Variants in UTRN observed in about 807,000 individuals in gnomAD.
UTRN encodes utrophin, also known as dystrophin-related protein 1.
Under a neutral mutation model 463.9 loss-of-function variants are expected in UTRN, and 283 were observed. The observed-to-expected ratio is 0.61, with a 90% CI of 0.55 to 0.67. UTRN has a LOEUF of 0.67. Ranked by LOEUF, UTRN falls within the 30% of genes least tolerant of loss-of-function variation. UTRN has a pLI of 0.00. For synonymous variants in UTRN, 1,442 were observed against 1,431.5 expected (o/e 1.01, Z -0.17); for missense variants, 3,922 against 4,084.3 (o/e 0.96, Z 1.08).
intron 50 of UTRN, among the ~76,000 whole-genome samples, chr6:144,572,002 A>T (rs562276482): frequency 1.3e-5 from 2 of 152,064 alleles, no homozygotes; most frequent in African/African-American, 4.8e-5. Flanking sequence ...GTTTTGTGTT[A>T]TTCGTTTGTT....
chr6:144,790,548 A>T (rs1776672994), intron 62 of UTRN, among the ~76,000 whole-genome samples: 1 of 152,198 alleles, frequency 6.6e-6, no homozygotes, highest in Non-Finnish European at 1.5e-5. Flanking sequence ...GATTTATATA[A>T]AATGAAAAGC....
intron 52 of UTRN, among the ~76,000 whole-genome samples, chr6:144,684,251 T>C (rs1782513399): frequency 6.6e-6 from 1 of 152,128 alleles, no homozygotes; most frequent in Admixed American, 6.5e-5. Flanking sequence ...GGTTTCATCA[T>C]GTTGGCCAGG....
chr6:144,771,437 T>C (rs115160426), intron 58 of UTRN, among the ~76,000 whole-genome samples: 2,989 of 152,100 alleles, frequency 0.02, 47 homozygotes, highest in African/African-American at 0.04. Flanking sequence ...ATATTTTTTA[T>C]TTTTTTGAGA....
intron 3 of UTRN, among the ~76,000 whole-genome samples, chr6:144,408,236 G>A (rs1188842203): frequency 1.3e-5 from 2 of 152,186 alleles, no homozygotes; most frequent in African/African-American, 2.4e-5. Flanking sequence ...CATTAAGCCC[G>A]CGTTCTTCCA....
Position 144,458,801 on chromosome 6 carries a change from T to A in UTRN, c.2316T>A (p.Val772=), listed in dbSNP as rs1400488926. The change falls in exon 20 of 75, where the codon GTT becomes GTA. Residue 772 remains valine (V), a synonymous_variant. Coordinates refer to ENST00000367545, the MANE Select transcript of UTRN (RefSeq NM_007124.3). ...EGLPTEEIKN[V]LEKVSSEWKN... ...TTCCTACTGAAGAAATAAAAAATGT[T>A]CTGGAGAAGGTTTCATCAGAATGGA... 6.2e-7 allele frequency: 1 copy of A among 1,603,846 alleles called. No individual in the cohort carries two copies. Among genetic ancestry groups the A allele is most frequent in the Non-Finnish European group, 8.5e-7 (1 of 1,177,490 alleles).
At chr6:144,753,792 A>G (rs373649694) in intron 56 of UTRN, among the ~76,000 whole-genome samples, 2 of 151,760 alleles carry the variant, frequency 1.3e-5, no homozygotes, top group East Asian at 3.9e-4. Flanking sequence ...GCATGAGCCC[A>G]GGAGGTCGAG....
intron 52 of UTRN, among the ~76,000 whole-genome samples, chr6:144,692,683 A>G (rs1783556877): frequency 1.3e-5 from 2 of 152,040 alleles, no homozygotes; most frequent in African/African-American, 2.4e-5. Context: ...TGTCAGCTGC[A>G]TATATGTCTT....
At chr6:144,322,363 C>T (rs2114586025) in intron 2 of UTRN, among the ~76,000 whole-genome samples, 1 of 152,262 alleles carries the variant, frequency 6.6e-6, no homozygotes, top group East Asian at 1.9e-4. Flanking sequence ...TGAGCATTCA[C>T]TGAATGTGTC....
At chr6:144,289,949 C>G (rs932708531) in intron 1 of UTRN, among the ~76,000 whole-genome samples, 19 of 151,612 alleles carry the variant, frequency 1.3e-4, no homozygotes, top group African/African-American at 4.4e-4. Flanking sequence ...CCACCTTGCC[C>G]GGCCTAGTTT....
chr6:144,688,844 G>A (rs112331570), intron 52 of UTRN, among the ~76,000 whole-genome samples: 4 of 152,262 alleles, frequency 2.6e-5, no homozygotes, highest in African/African-American at 9.6e-5. Flanking sequence ...AACAGTTCAG[G>A]TTTCAGGCCA....
chr6:144,635,083 G>A (rs1017090395), intron 51 of UTRN, among the ~76,000 whole-genome samples: 3 of 148,320 alleles, frequency 2.0e-5, no homozygotes, highest in African/African-American at 7.4e-5. Flanking sequence ...TTGTCACCTA[G>A]TATGAAATGG....
rs1415377696 is a variant in UTRN, at chr6:144,291,718, C to T, written c.-92-19C>T. 7.7e-6 allele frequency: 6 copies of T among 782,170 alleles called. No homozygotes were observed. The East Asian group carries it at 1.5e-4, about 19-fold the overall frequency. The allele number at this position is 782,170 out of a possible 1,614,324, so 48.5% of individuals were successfully genotyped here. ...ATAAATACATTTTTTCAAGTCAGTA[C>T]TTTCCCTTTTCCTTTTAGGTATTGA... On this transcript the variant is annotated intron_variant, in intron 1 of 74. Transcript: ENST00000367545.
At chr6:144,773,956 C>T (rs544829177) in intron 59 of UTRN, among the ~76,000 whole-genome samples, 1 of 152,270 alleles carries the variant, frequency 6.6e-6, no homozygotes, top group South Asian at 2.1e-4. Flanking sequence ...GGTCAGGAGA[C>T]AAGAGACCCA....
intron 3 of UTRN, among the ~76,000 whole-genome samples, chr6:144,403,866 G>C (rs1246993624): frequency 6.6e-6 from 1 of 152,170 alleles, no homozygotes; most frequent in Non-Finnish European, 1.5e-5. Context: ...GAGGTAGGAG[G>C]AGAGTTTTCA....
In UTRN at chr6:144,516,247, C is replaced by T. The variant is rs1795600001; in HGVS notation, c.5263C>T (p.Pro1755Ser). 6 of 1,613,268 alleles carry T rather than the reference C, an allele frequency of 3.7e-6. No individual in the cohort carries two copies. Among genetic ancestry groups the T allele is most frequent in the Non-Finnish European group, 5.1e-6 (6 of 1,179,842 alleles). Residue 1755 changes from proline (P) to serine (S), a missense_variant, in exon 38 of 75, where the codon CCA becomes TCA. Physicochemically the swap from Pro to Ser is moderately conservative, Grantham distance 74. Coordinates refer to ENST00000367545, the MANE Select transcript of UTRN (RefSeq NM_007124.3). ...KSAKLLIAQE[P>S]LYQCLVTTET... ...TCTACAGTTGCTAATTGCTCAGGAA[C>T]CATTATACCAATGTTTGGTCACCAC...
chr6:144,453,993 C>A, intron 19 of UTRN, 124 bp downstream of exon 19: 2 of 741,644 alleles, frequency 2.7e-6, no homozygotes, highest in Admixed American at 3.2e-5. Context: ...AAATGGTTTT[C>A]AAAAATGTTT....
chr6:144,820,872 A>G lies in UTRN; in HGVS notation c.9358-10A>G, dbSNP rs765812615. 5 of 1,608,892 alleles carry G rather than the reference A, an allele frequency of 3.1e-6. No individual in the cohort carries two copies. In the South Asian group the frequency reaches 5.6e-5, roughly 18 times the overall value. On this transcript the variant is annotated splice_polypyrimidine_tract_variant and intron_variant, in intron 65 of 74. Transcript: ENST00000367545. The stretch of plus-strand genomic sequence containing the variant: ...TACTGAGAGAAGTGTAATTGTTTTC[A>G]ACCTTATAGACAACATCTGGGGAAG...
intron 13 of UTRN, among the ~76,000 whole-genome samples, chr6:144,440,890 A>G (rs540633954): frequency 6.6e-6 from 1 of 152,292 alleles, no homozygotes; most frequent in East Asian, 1.9e-4. Context: ...TTTTATATGG[A>G]TGGTGGCAGG....
chr6:144,290,944 T>TA (rs1330629804), intron 1 of UTRN, among the ~76,000 whole-genome samples: 7 of 150,514 alleles, frequency 4.7e-5, no homozygotes, highest in East Asian at 2.0e-4. Context: ...TTTTTTTTTT[T>TA]TTTGTATTTT....
Sources: gnomAD v4.1 joint callset for allele counts (sites outside exome capture counted in the v4.1 genomes callset) on GRCh38, gnomAD v4.1.1 for gene constraint, MANE v1.5 for transcripts, NCBI Gene and HGNC (gene_info 2026-07-23, HGNC 2026-07-21) for gene names.